Variants in NEO1 observed in about 807,000 individuals in gnomAD.
NEO1 encodes neogenin 1.
A neutral mutation model predicts 159.7 loss-of-function variants in NEO1; 63 were observed. The ratio of observed to expected loss-of-function variants is 0.39; its 90% confidence interval spans 0.32 to 0.49. NEO1 has a LOEUF of 0.49. Among genes scored for constraint, NEO1 ranks in the 20% least tolerant of loss-of-function variants. The pLI is 0.85. For missense variants in NEO1, 1,615 were observed against 1,831.0 expected, an observed-to-expected ratio of 0.88 and a Z score of 2.15; for synonymous variants, 633 against 662.0, an observed-to-expected ratio of 0.96 and a Z score of 0.67.
At chr15:73,177,259 A>G (rs1221584806) in intron 6 of NEO1, among the ~76,000 whole-genome samples, 2 of 152,156 alleles carry the variant, frequency 1.3e-5, no homozygotes, top group Non-Finnish European at 2.9e-5. Context: ...CAGCTTTAGT[A>G]ATAAAGATTA....
intron 5 of NEO1, among the ~76,000 whole-genome samples, chr15:73,160,352 C>T (rs2034083272): frequency 6.6e-6 from 1 of 152,174 alleles, no homozygotes; most frequent in Admixed American, 6.5e-5. Flanking sequence ...TCTGACACTA[C>T]CTACCTTTCT....
chr15:73,052,080 G>A (rs1290303197), upstream of NEO1: 2 of 151,608 alleles, frequency 1.3e-5, no homozygotes, highest in Non-Finnish European at 2.9e-5. Context: ...GGGAGGAGCA[G>A]GAGGATCCGC....
intron 5 of NEO1, among the ~76,000 whole-genome samples, chr15:73,151,019 T>C (rs568532100): frequency 6.6e-6 from 1 of 152,312 alleles, no homozygotes; most frequent in South Asian, 2.1e-4. Context: ...GAGTAGTGTA[T>C]GCCAGGCCTT....
At chr15:73,129,583 G>A (rs1289008022) in intron 4 of NEO1, among the ~76,000 whole-genome samples, 1 of 152,020 alleles carries the variant, frequency 6.6e-6, no homozygotes, top group Admixed American at 6.6e-5. Context: ...AGAGGGGGGT[G>A]GAAATGGATC....
chr15:73,095,653 T>G (rs1234218615), intron 1 of NEO1, among the ~76,000 whole-genome samples: 1 of 145,188 alleles, frequency 6.9e-6, no homozygotes, highest in Non-Finnish European at 1.5e-5. Context: ...TCACGAAAGA[T>G]GACCAATTAG....
intron 5 of NEO1, among the ~76,000 whole-genome samples, chr15:73,161,593 A>G (rs757454034): frequency 1.1e-4 from 16 of 152,358 alleles, no homozygotes; most frequent in Non-Finnish European, 1.6e-4. Flanking sequence ...GTGGATTTCC[A>G]TCTTTAAAAA....
chr15:73,280,421 T>C (rs2623995), intron 22 of NEO1, among the ~76,000 whole-genome samples: 137,366 of 152,254 alleles, frequency 0.9, 62,330 homozygotes, highest in Admixed American at 0.95. Flanking sequence ...TCCAGCTCAT[T>C]CGCAAGAGGT....
intron 7 of NEO1, among the ~76,000 whole-genome samples, chr15:73,193,263 A>G (rs989717252): frequency 2.0e-5 from 3 of 152,056 alleles, no homozygotes; most frequent in African/African-American, 7.2e-5. Context: ...ACCCTATTAT[A>G]TAGGCTATTA....
intron 5 of NEO1, among the ~76,000 whole-genome samples, chr15:73,175,092 A>G (rs2035207162): frequency 6.6e-6 from 1 of 152,170 alleles, no homozygotes; most frequent in Non-Finnish European, 1.5e-5. Context: ...TAGGCCAAAA[A>G]AGTTCTTTTT....
At chr15:73,128,239 C>T (rs2030574360) in intron 4 of NEO1, among the ~76,000 whole-genome samples, 1 of 143,192 alleles carries the variant, frequency 7.0e-6, no homozygotes, top group South Asian at 2.2e-4. Context: ...TATAAGACTT[C>T]ATTTTTTTTT....
chr15:73,201,583 T>A (rs1390301158), intron 7 of NEO1, among the ~76,000 whole-genome samples: 2 of 152,168 alleles, frequency 1.3e-5, no homozygotes, highest in Non-Finnish European at 2.9e-5. Flanking sequence ...TCAATTGATA[T>A]AGATGACTGT....
chr15:73,243,122 A>G (rs2039576511), intron 8 of NEO1, among the ~76,000 whole-genome samples: 1 of 152,232 alleles, frequency 6.6e-6, no homozygotes, highest in Non-Finnish European at 1.5e-5. Context: ...TTGTTACTAC[A>G]GTATTCTTTT....
intron 1 of NEO1, among the ~76,000 whole-genome samples, chr15:73,099,899 CT>C (rs1260234290): frequency 6.6e-6 from 1 of 152,280 alleles, no homozygotes; most frequent in East Asian, 1.9e-4. Flanking sequence ...AAAACTGCTG[CT>C]TTTTCAAGAT....
At chr15:73,185,095 A>T (rs1013073784) in intron 7 of NEO1, among the ~76,000 whole-genome samples, 5 of 152,094 alleles carry the variant, frequency 3.3e-5, no homozygotes, top group African/African-American at 1.2e-4. Flanking sequence ...AAAACTATGG[A>T]GTTAGTAAAA....
intron 1 of NEO1, among the ~76,000 whole-genome samples, chr15:73,080,901 A>G (rs544259612): frequency 6.6e-6 from 1 of 152,328 alleles, no homozygotes; most frequent in South Asian, 2.1e-4. Context: ...ATTTGCAAAT[A>G]GCGTTTTCAA....
intron 1 of NEO1, among the ~76,000 whole-genome samples, chr15:73,115,553 A>G (rs1370212738): frequency 6.6e-6 from 1 of 152,020 alleles, no homozygotes; most frequent in Non-Finnish European, 1.5e-5. Flanking sequence ...ATGCAAATAA[A>G]TTATAAAGAA....
intron 1 of NEO1, among the ~76,000 whole-genome samples, chr15:73,106,405 T>C (rs2070696615): frequency 6.6e-6 from 1 of 152,186 alleles, no homozygotes; most frequent in Admixed American, 6.5e-5. Flanking sequence ...TTTAATAATA[T>C]ATTTTATTTA....
At chr15:73,165,029 A>G (rs1005258286) in intron 5 of NEO1, among the ~76,000 whole-genome samples, 2 of 151,982 alleles carry the variant, frequency 1.3e-5, no homozygotes, top group East Asian at 1.9e-4. Context: ...CCTGGGCTCA[A>G]GCAGTCTCCT....
rs537148434 is a variant in NEO1 at position 73,272,440 on chromosome 15, T to G, written c.2858-15T>G. 8 of 1,583,240 alleles carry G rather than the reference T, an allele frequency of 5.1e-6. No homozygotes were observed. The African/African-American group carries it at 6.7e-5, about 13-fold the overall frequency. Reference sequence around the variant, plus strand: ...GAAATGGACAGAAATTATTAAAAATTTTGTTATTTTGTAGTTCCGACTTCT... The same window carrying G: ...GAAATGGACAGAAATTATTAAAAATGTTGTTATTTTGTAGTTCCGACTTCT... On this transcript the variant is annotated splice_polypyrimidine_tract_variant and intron_variant, in intron 18 of 28. Transcript: ENST00000261908.
Sources: allele counts gnomAD v4.1 joint callset (sites outside exome capture counted in the v4.1 genomes callset), GRCh38; gene constraint gnomAD v4.1.1; transcripts MANE v1.5; gene names NCBI Gene and HGNC (gene_info 2026-07-23, HGNC 2026-07-21).